The following PRKCE variants were observed in gnomAD, a reference collection of about 807,000 sequenced individuals.
PRKCE encodes the protein protein kinase C epsilon.
Under a neutral mutation model 85.4 loss-of-function variants are expected in PRKCE, and 16 were observed. The observed-to-expected ratio is 0.19, with a 90% CI of 0.13 to 0.28. The LOEUF is 0.28. Ranked by LOEUF, PRKCE falls within the 10% of genes least tolerant of loss-of-function variation. The pLI is 1.00. For synonymous variants in PRKCE, 388 were observed against 371.5 expected (o/e 1.04, Z -0.51); for missense variants, 573 against 975.2 (o/e 0.59, Z 5.49).
chr2:46,032,229 G>A (rs1707574510), intron 10 of PRKCE, among the ~76,000 whole-genome samples: 1 of 151,536 alleles, frequency 6.6e-6, no homozygotes, highest in African/African-American at 2.4e-5. Flanking sequence ...GCAGGGTCCT[G>A]GGATATCTTT....
At chr2:45,866,826 A>T (rs998960283) in intron 2 of PRKCE, among the ~76,000 whole-genome samples, 1 of 152,354 alleles carries the variant, frequency 6.6e-6, no homozygotes, top group East Asian at 1.9e-4. Flanking sequence ...GCACATTTAC[A>T]TCATTGTGGA....
chr2:46,140,009 A>T lies in PRKCE; in HGVS notation c.1593-5084A>T, dbSNP rs188531101. On this transcript the variant is annotated intron_variant, in intron 11 of 14. Coordinates refer to ENST00000306156, the MANE Select transcript of PRKCE (RefSeq NM_005400.3). ...TAAAATGTCATAAGAAATTTATAAG[A>T]TCTATATGAGAGAATTTTAAAATGC... is the stretch of plus-strand genomic sequence containing the variant. Among the ~76,000 whole-genome samples, 6 of 152,292 alleles carry T rather than the reference A, an allele frequency of 3.9e-5. No homozygotes were observed. In the East Asian group the frequency reaches 1.2e-3, roughly 29 times the overall value.
At chr2:45,992,494 C>A (rs928021788) in intron 6 of PRKCE, among the ~76,000 whole-genome samples, 1 of 152,234 alleles carries the variant, frequency 6.6e-6, no homozygotes, top group African/African-American at 2.4e-5. Context: ...CACTCTCACA[C>A]CCCTGCCAAC....
intron 2 of PRKCE, among the ~76,000 whole-genome samples, chr2:45,974,045 A>T (rs1868391): frequency 6.6e-6 from 1 of 152,104 alleles, no homozygotes; most frequent in Admixed American, 6.5e-5. Flanking sequence ...CCTGTGTCCT[A>T]TGATGCCCAG....
intron 1 of PRKCE, among the ~76,000 whole-genome samples, chr2:45,796,284 G>A (rs61411991): frequency 6.6e-6 from 1 of 152,188 alleles, no homozygotes; most frequent in East Asian, 1.9e-4. Flanking sequence ...TCAAACCCCA[G>A]CTCTCTCACT....
intron 1 of PRKCE, among the ~76,000 whole-genome samples, chr2:45,804,720 C>T (rs1420595945): frequency 6.6e-6 from 1 of 152,152 alleles, no homozygotes. Flanking sequence ...TGTTCGTTCT[C>T]CCCAGTCACC....
rs566672103 is a variant in PRKCE at position 45,681,686 on chromosome 2, G to A, written c.348+29238G>A. Among the ~76,000 whole-genome samples, 4 of 152,276 alleles carry A rather than the reference G, an allele frequency of 2.6e-5. No homozygotes were observed. The South Asian group carries it at 8.3e-4, about 32-fold the overall frequency. ...TGAGATCAGAGAGACCAGAGCTGGGGCTATTTCTTGGTAATGCAACTGCCA... is the reference window on the plus strand; with the variant it reads ...TGAGATCAGAGAGACCAGAGCTGGGACTATTTCTTGGTAATGCAACTGCCA... On this transcript the variant is annotated intron_variant, in intron 1 of 14. Transcript: ENST00000306156.
At chr2:45,745,600 G>C (rs191490866) in intron 1 of PRKCE, among the ~76,000 whole-genome samples, 1 of 152,258 alleles carries the variant, frequency 6.6e-6, no homozygotes, top group Non-Finnish European at 1.5e-5. Context: ...AAATGGAGCT[G>C]GGTATGGGGT....
chr2:45,838,692 A>C lies in PRKCE; in HGVS notation c.349-4308A>C, dbSNP rs113150395. ...AGACTGCAGTGCAGTGGCGCATTGCAGCCTGGATCTCCTGGGCTCAAGCAA... is the reference window on the plus strand; with the variant it reads ...AGACTGCAGTGCAGTGGCGCATTGCCGCCTGGATCTCCTGGGCTCAAGCAA... On this transcript the variant is annotated intron_variant, in intron 1 of 14. Coordinates refer to ENST00000306156, the MANE Select transcript of PRKCE (RefSeq NM_005400.3). 5.2e-3 allele frequency among the ~76,000 whole-genome samples: 798 copies of C among 152,240 alleles called. 12 individuals are homozygous for C. The highest frequency in any genetic ancestry group is 0.018 in the African/African-American group (755 of 41,544).
At chr2:46,109,719 C>T (rs572722171) in intron 11 of PRKCE, among the ~76,000 whole-genome samples, 1 of 152,166 alleles carries the variant, frequency 6.6e-6, no homozygotes, top group East Asian at 1.9e-4. Context: ...ATCACACTCA[C>T]TAGAACTCCA....
intron 10 of PRKCE, among the ~76,000 whole-genome samples, chr2:46,035,478 G>C (rs1707798854): frequency 6.6e-6 from 1 of 152,232 alleles, no homozygotes; most frequent in African/African-American, 2.4e-5. Context: ...GTCCCTGCCT[G>C]CTCCATCCCC....
At chr2:46,170,101 T>C (rs1164773959) in intron 14 of PRKCE, among the ~76,000 whole-genome samples, 1 of 152,210 alleles carries the variant, frequency 6.6e-6, no homozygotes, top group African/African-American at 2.4e-5. Context: ...ATGCACCCAT[T>C]TCAAGTCCAC....
chr2:46,106,190 G>C (rs1459985991), intron 11 of PRKCE, among the ~76,000 whole-genome samples: 1 of 152,114 alleles, frequency 6.6e-6, no homozygotes, highest in Non-Finnish European at 1.5e-5. Flanking sequence ...TGTTGTTCAA[G>C]GGCCAATTGT....
rs114650135 is a variant in PRKCE, at chr2:45,908,776, G to A, written c.412+65713G>A. On this transcript the variant is annotated intron_variant, in intron 2 of 14. Transcript: ENST00000306156. ...CTGGGGCAATGTGGAGGATCTCTCC[G>A]GGAGAATGTTGCCTCAGTTTCCCTG... 9.9e-3 allele frequency among the ~76,000 whole-genome samples: 1,505 copies of A among 152,270 alleles called. 34 individuals are homozygous for A. Among genetic ancestry groups the A allele is most frequent in the African/African-American group, 0.035 (1,436 of 41,530 alleles).
At position 45,778,271 on chromosome 2, in the gene PRKCE, A is replaced by G. The variant is rs538592616; in HGVS notation, c.349-64729A>G. 4.3e-4 allele frequency among the ~76,000 whole-genome samples: 65 copies of G among 152,232 alleles called. 1 individual carries two copies. Among genetic ancestry groups the G allele is most frequent in the Admixed American group, 7.8e-4 (12 of 15,300 alleles). On this transcript the variant is annotated intron_variant, in intron 1 of 14. Transcript: ENST00000306156. ...GGGGTTTTGAGCAGTGGGACATGAA[A>G]GTATTGCTTTGGGAAGTTGGAATCC... is the stretch of plus-strand genomic sequence containing the variant.
chr2:46,015,042 G>A (rs1706007996), intron 10 of PRKCE, among the ~76,000 whole-genome samples: 1 of 152,182 alleles, frequency 6.6e-6, no homozygotes, highest in Admixed American at 6.5e-5. Flanking sequence ...AAGATCAGAT[G>A]CCTATCGGTA....
intron 10 of PRKCE, among the ~76,000 whole-genome samples, chr2:46,033,031 C>G (rs542574508): frequency 6.6e-6 from 1 of 152,250 alleles, no homozygotes; most frequent in East Asian, 1.9e-4. Flanking sequence ...GGAGGAGAAG[C>G]CCGTTCTCAC....
Position 46,091,576 on chromosome 2 carries a change from A to G in PRKCE, c.1592+5214A>G, listed in dbSNP as rs553016627. On this transcript the variant is annotated intron_variant, in intron 11 of 14. Coordinates refer to ENST00000306156, the MANE Select transcript of PRKCE (RefSeq NM_005400.3). ...GCGCTGTGCAGCAGAGGGTGGAGAAAGACGTAGATTCCATAGCCCTGACCA... is the reference window on the plus strand; with the variant it reads ...GCGCTGTGCAGCAGAGGGTGGAGAAGGACGTAGATTCCATAGCCCTGACCA... Among the ~76,000 whole-genome samples, 107 of 152,298 alleles carry G rather than the reference A, an allele frequency of 7.0e-4. 1 individual carries two copies. The highest frequency in any genetic ancestry group is 2.0e-3 in the African/African-American group (85 of 41,548).
chr2:45,717,033 G>C (rs1368280426), intron 1 of PRKCE, among the ~76,000 whole-genome samples: 1 of 74,292 alleles, frequency 1.3e-5, no homozygotes, highest in African/African-American at 6.8e-5. Flanking sequence ...TGGGGATTAT[G>C]GGTACTACAA....
Sources: gnomAD v4.1 joint callset for allele counts (sites outside exome capture counted in the v4.1 genomes callset) on GRCh38, gnomAD v4.1.1 for gene constraint, MANE v1.5 for transcripts, NCBI Gene and HGNC (gene_info 2026-07-23, HGNC 2026-07-21) for gene names.